Variants in RFX1 observed in about 807,000 individuals in gnomAD.
RFX1 encodes MHC class II regulatory factor RFX1.
Under a neutral mutation model 119.6 loss-of-function variants are expected in RFX1, and 42 were observed. The observed-to-expected ratio is 0.35, with a 90% CI of 0.27 to 0.45. RFX1 has a LOEUF of 0.45. Among genes scored for constraint, RFX1 ranks in the 20% least tolerant of loss-of-function variants. The pLI is 1.00. For synonymous variants in RFX1, 628 were observed against 618.5 expected (o/e 1.02, Z -0.23); for missense variants, 1,118 against 1,368.1 (o/e 0.82, Z 2.88).
intron 7 of RFX1, among the ~76,000 whole-genome samples, chr19:13,979,017 C>A (rs1974346740): frequency 6.6e-6 from 1 of 151,588 alleles, no homozygotes; most frequent in Non-Finnish European, 1.5e-5. Context: ...GCGGCTCCGG[C>A]GGCGGCGTGG....
Position 13,965,977 on chromosome 19 carries a change from C to A in RFX1, c.1962-200G>T, listed in dbSNP as rs946911757. The stretch of plus-strand genomic sequence containing the variant: ...GGCACTCTGTGTCTTGCCTCCAGTG[C>A]CAGAAGGCACAGGTATACCTTGTCC... On this transcript the variant is annotated intron_variant, in intron 14 of 20. Coordinates refer to ENST00000254325, the MANE Select transcript of RFX1 (RefSeq NM_002918.5). The surrounding 1 kb of genome is among the most constrained non-coding windows in gnomAD (Gnocchi z 4.7). Among the ~76,000 whole-genome samples the A allele has an allele frequency of 6.6e-6, 1 of 151,670 alleles. No individual in the cohort carries two copies. Among genetic ancestry groups the A allele is most frequent in the Non-Finnish European group, 1.5e-5 (1 of 67,880 alleles).
At chr19:13,972,198 ATTT>A (rs763759891) in intron 9 of RFX1, among the ~76,000 whole-genome samples, 1 of 133,922 alleles carries the variant, frequency 7.5e-6, no homozygotes, top group Non-Finnish European at 1.6e-5. Flanking sequence ...AGTAGACAAC[ATTT>A]TTTTTTTTTT....
chr19:13,982,089 G>A (rs145488017), intron 5 of RFX1, 32 bp downstream of exon 5: 11 of 1,152,466 alleles, frequency 9.5e-6, no homozygotes, highest in Admixed American at 3.1e-5. Context: ...GAGACAGCAG[G>A]GGGGAGGGCG....
chr19:13,976,602 C>G (rs370661631), intron 8 of RFX1, among the ~76,000 whole-genome samples: 2 of 152,170 alleles, frequency 1.3e-5, no homozygotes, highest in South Asian at 4.1e-4. Context: ...GGGGTTATTA[C>G]ACAGCAGCTA....
In RFX1 at chr19:13,983,608, G is replaced by C. The variant is rs115773291; in HGVS notation, c.320-13C>G. 2,007 of 1,581,596 alleles carry C rather than the reference G, an allele frequency of 1.3e-3. 14 individuals carry two copies. The Middle Eastern group carries it at 0.03, about 24-fold the overall frequency. ...CGCATGGCACCTTCTGTGGGGAGGG[G>C]CCACCAGGTCAGTTCTTCCTGCTTT... On this transcript the variant is annotated splice_polypyrimidine_tract_variant and intron_variant, in intron 2 of 20. Transcript: ENST00000254325.
Position 13,983,569 on chromosome 19 carries a change from C to A in RFX1, c.346G>T (p.Val116Leu). The A allele has an allele frequency of 6.2e-7, 1 of 1,608,780 alleles. No homozygotes were observed. The highest frequency in any genetic ancestry group is 8.5e-7 in the Non-Finnish European group (1 of 1,178,874). Residue 116 changes from valine (V) to leucine (L), a missense_variant, in exon 3 of 21, where the codon GTG becomes TTG. By Grantham distance (32) the Val-to-Leu change is conservative. Coordinates refer to ENST00000254325, the MANE Select transcript of RFX1 (RefSeq NM_002918.5). ...SEGAMRASET[V>L]SEASPGSTAS... ...GTGGAGCCGGGGCTGGCCTCCGACA[C>A]TGTCTCGCTGGCCCGCATGGCACCT...
At position 13,980,556 on chromosome 19, in the gene RFX1, C is replaced by A; in HGVS notation, c.738+17G>T. 2.0e-6 allele frequency: 3 copies of A among 1,518,300 alleles called. No individual in the cohort carries two copies. Among genetic ancestry groups the A allele is most frequent in the Non-Finnish European group, 2.7e-6 (3 of 1,124,826 alleles). 94.1% of individuals were successfully genotyped at this position (1,518,300 alleles called of 1,614,324 possible). A position where few individuals can be genotyped will look rare whatever the true frequency, so the allele number is the denominator to read the frequency against. On this transcript the variant is annotated intron_variant, in intron 6 of 20. Transcript: ENST00000254325. The surrounding 1 kb of genome is among the most constrained non-coding windows in gnomAD (Gnocchi z 5.1). ...CGGTACCCCTGGACCGAGCCACTGC[C>A]CGCCTTGGCCTGGCACCTCTTGGGT...
Position 13,962,774 on chromosome 19 carries a change from G to T in RFX1, c.2861C>A (p.Pro954Gln). Reference sequence around the variant, plus strand: ...CTTGGCCGGCGGCTCCAGGGTCTCCGGGCCCAGCGCGGGTGACTCGCCGCC... The same window carrying T: ...CTTGGCCGGCGGCTCCAGGGTCTCCTGGCCCAGCGCGGGTGACTCGCCGCC... ...AAGGESPALGPETLEPPAKLA... is the reference protein window; with the variant it reads ...AAGGESPALGQETLEPPAKLA... The change falls in exon 21 of 21, where the codon CCG becomes CAG. Residue 954 changes from proline to glutamine, a missense_variant. By Grantham distance (76) the Pro-to-Gln change is moderately conservative. Coordinates refer to ENST00000254325, the MANE Select transcript of RFX1 (RefSeq NM_002918.5). 2 of 1,530,666 alleles carry T rather than the reference G, an allele frequency of 1.3e-6. No individual in the cohort carries two copies. The highest frequency in any genetic ancestry group is 1.7e-6 in the Non-Finnish European group (2 of 1,143,686). The allele number at this position is 1,530,666 out of a possible 1,614,324, so 94.8% of individuals were successfully genotyped here.
rs200068899 is a variant in RFX1 at position 13,965,592 on chromosome 19, G to A, written c.2113+34C>T. 5.4e-5 allele frequency: 87 copies of A among 1,612,448 alleles called. No homozygotes were observed. The highest frequency in any genetic ancestry group is 7.0e-5 in the Non-Finnish European group (82 of 1,179,380). The stretch of plus-strand genomic sequence containing the variant: ...CGGTCAGGGCAGGGCGGGTGTATGT[G>A]GGGCAGGGGATGCCGAGCAGGCCGA... On this transcript the variant is annotated intron_variant, in intron 15 of 20. Transcript: ENST00000254325. This position sits in a 1 kb window ranked among gnomAD's most constrained non-coding sequence, Gnocchi z 4.7.
rs763451739 is a variant in RFX1 at position 13,966,375 on chromosome 19, G to A, written c.1961+46C>T. 29 of 1,285,096 alleles carry A rather than the reference G, an allele frequency of 2.3e-5. No homozygotes were observed. Among genetic ancestry groups the A allele is most frequent in the Middle Eastern group, 2.0e-4 (1 of 5,106 alleles). The allele number at this position is 1,285,096 out of a possible 1,614,324, so 79.6% of individuals were successfully genotyped here. On this transcript the variant is annotated intron_variant, in intron 14 of 20. Transcript: ENST00000254325. The surrounding 1 kb of genome is among the most constrained non-coding windows in gnomAD (Gnocchi z 6.3). ...GCCATCAAAATCACCTGCGGGTCAT[G>A]CCCTCCTCCCCCCTCTCCCTCCCAC...
At position 13,985,296 on chromosome 19, in the gene RFX1, C is replaced by CCCA. The variant is rs1373018214; in HGVS notation, c.320-1704_320-1702dup. ...GGTTCAAGTGATTCTCCTGCCTCAA[C>CCCA]CCACTGAGTAGCTAGGACTGCAGGC... On this transcript the variant is annotated intron_variant, in intron 2 of 20. Transcript: ENST00000254325. This position sits in a 1 kb window ranked among gnomAD's most constrained non-coding sequence, Gnocchi z 4.3. Among the ~76,000 whole-genome samples, 1 of 152,020 alleles carries CCCA rather than the reference C, an allele frequency of 6.6e-6. No homozygotes were observed. Among genetic ancestry groups the CCCA allele is most frequent in the African/African-American group, 2.4e-5 (1 of 41,362 alleles).
At chr19:13,994,366 C>G (rs1175297838) in intron 1 of RFX1, among the ~76,000 whole-genome samples, 2 of 152,158 alleles carry the variant, frequency 1.3e-5, no homozygotes, top group Non-Finnish European at 2.9e-5. Context: ...TTCCTGAGGG[C>G]TCTTGTAGGC....
chr19:13,962,929 C>A, intron 20 of RFX1, 65 bp from the exon 21 acceptor site: 1 of 1,546,332 alleles, frequency 6.5e-7, no homozygotes, highest in Non-Finnish European at 8.7e-7. Flanking sequence ...CCTCCTCCTC[C>A]CGAGCCCCTC....
chr19:14,004,691 C>T (rs1975315876), intron 1 of RFX1, among the ~76,000 whole-genome samples: 1 of 152,136 alleles, frequency 6.6e-6, no homozygotes, highest in Non-Finnish European at 1.5e-5. Context: ...AGACCAATCT[C>T]AAACTCTTGG....
Position 13,968,998 on chromosome 19 carries a change from TAG to T in RFX1, c.1497-106_1497-105del. On this transcript the variant is annotated intron_variant, in intron 10 of 20. Coordinates refer to ENST00000254325, the MANE Select transcript of RFX1 (RefSeq NM_002918.5). This position sits in a 1 kb window ranked among gnomAD's most constrained non-coding sequence, Gnocchi z 5.5. ...GTCTCCTCTCTGTTAGGAGAATGGA[TAG>T]AGAGACGCCTGCCCTGCAGAGACGG... The T allele has an allele frequency of 1.5e-6, 2 of 1,296,730 alleles. No individual in the cohort carries two copies. Among genetic ancestry groups the T allele is most frequent in the South Asian group, 1.4e-5 (1 of 70,834 alleles). The allele number at this position is 1,296,730 out of a possible 1,614,324, so 80.3% of individuals were successfully genotyped here.
intron 2 of RFX1, among the ~76,000 whole-genome samples, chr19:13,987,174 T>A (rs1256246818): frequency 6.6e-6 from 1 of 152,164 alleles, no homozygotes; most frequent in Non-Finnish European, 1.5e-5. Flanking sequence ...GCAGGCCGGC[T>A]CGGTTTCACC....
intron 9 of RFX1, among the ~76,000 whole-genome samples, chr19:13,971,613 A>G (rs1465557565): frequency 1.3e-5 from 2 of 152,112 alleles, no homozygotes; most frequent in East Asian, 1.9e-4. Flanking sequence ...TCTATTCTCT[A>G]TAATCAATTT....
intron 2 of RFX1, 53 bp from the exon 3 acceptor site, chr19:13,983,648 T>G (rs1245996840): frequency 2.8e-6 from 4 of 1,450,928 alleles, no homozygotes; most frequent in Non-Finnish European, 3.7e-6. Context: ...GCCCCCAGCC[T>G]AAGCCTGAGC....
Position 13,980,743 on chromosome 19 carries a change from G to GGGGTGGGCTCGCATCCTCTCTT in RFX1, c.622-55_622-54insAAGAGAGGATGCGAGCCCACCC. ...GCTGGGGTGGGCTTGCATCCTCTCTGAGGTGGGCTCACACACACACCCTTC... is the reference window on the plus strand; with the variant it reads ...GCTGGGGTGGGCTTGCATCCTCTCTGGGGTGGGCTCGCATCCTCTCTTAGGTGGGCTCACACACACACCCTTC... On this transcript the variant is annotated intron_variant, in intron 5 of 20. Transcript: ENST00000254325. The surrounding 1 kb of genome is among the most constrained non-coding windows in gnomAD (Gnocchi z 5.1). The GGGGTGGGCTCGCATCCTCTCTT allele has an allele frequency of 3.1e-6, 4 of 1,306,238 alleles. No individual in the cohort carries two copies. The highest frequency in any genetic ancestry group is 1.8e-5 in the Admixed American group (1 of 54,220). 80.9% of individuals were successfully genotyped at this position (1,306,238 alleles called of 1,614,324 possible).
Sources: gnomAD v4.1 joint callset for allele counts (sites outside exome capture counted in the v4.1 genomes callset) on GRCh38, gnomAD v4.1.1 for gene constraint, Gnocchi (gnomAD v3.1) non-coding constraint, MANE v1.5 for transcripts, NCBI Gene and HGNC (gene_info 2026-07-23, HGNC 2026-07-21) for gene names.